The following ZMYM2 variants were observed in gnomAD, a reference collection of about 807,000 sequenced individuals.
ZMYM2 encodes zinc finger MYM-type protein 2.
Under a neutral mutation model 162.8 loss-of-function variants are expected in ZMYM2, and 56 were observed. The ratio of observed to expected loss-of-function variants is 0.34; its 90% CI spans 0.28 to 0.43. The LOEUF is 0.43. Ranked by LOEUF, ZMYM2 falls within the 20% of genes least tolerant of loss-of-function variation. The pLI, the probability that ZMYM2 is intolerant of heterozygous loss-of-function variation, is 1.00. For synonymous variants in ZMYM2, 510 were observed against 541.6 expected (o/e 0.94, Z 0.81); for missense variants, 1,275 against 1,621.8 (o/e 0.79, Z 3.67).
At chr13:20,015,783 A>G (rs2140116872) in intron 6 of ZMYM2, among the ~76,000 whole-genome samples, 1 of 152,168 alleles carries the variant, frequency 6.6e-6, no homozygotes, top group South Asian at 2.1e-4. Flanking sequence ...GCCTTATATT[A>G]ATATGGCAAC....
chr13:20,036,684 A>G, intron 11 of ZMYM2, 53 bp from the exon 12 acceptor site: 1 of 1,377,094 alleles, frequency 7.3e-7, no homozygotes, highest in Non-Finnish European at 9.5e-7. Flanking sequence ...TCTGCTCAAT[A>G]ATTAGTTTTC....
chr13:19,974,128 A>G (rs2139341130), intron 2 of ZMYM2, among the ~76,000 whole-genome samples: 1 of 152,322 alleles, frequency 6.6e-6, no homozygotes, highest in Admixed American at 6.5e-5. Context: ...TACCAACTTT[A>G]AAAGGTAGAA....
intron 2 of ZMYM2, among the ~76,000 whole-genome samples, chr13:19,962,532 T>C (rs1208876344): frequency 7.5e-6 from 1 of 132,756 alleles, no homozygotes; most frequent in Non-Finnish European, 1.6e-5. Flanking sequence ...TTTTTTTTTT[T>C]TTTTTTTTTG....
intron 2 of ZMYM2, among the ~76,000 whole-genome samples, chr13:19,985,533 G>GT (rs71070283): frequency 0.69 from 104,500 of 151,558 alleles, 41,082 homozygotes; most frequent in Non-Finnish European, 0.86. Context: ...GAATGGTTGT[G>GT]TTTTTTTTAA....
chr13:19,957,597 C>G (rs1039806269), upstream of ZMYM2, among the ~76,000 whole-genome samples: 1 of 152,244 alleles, frequency 6.6e-6, no homozygotes, highest in Non-Finnish European at 1.5e-5. Context: ...TCCGCTCCCC[C>G]CGGCGGCCGC....
chr13:20,024,711 GC>G (rs1952426137), intron 7 of ZMYM2: 1 of 217,902 alleles, frequency 4.6e-6, no homozygotes, highest in Non-Finnish European at 9.2e-6. Context: ...AAAAAAAAAA[GC>G]AGAGCATTCT....
intron 6 of ZMYM2, among the ~76,000 whole-genome samples, chr13:20,019,093 AC>A (rs763495545): frequency 0.084 from 1,235 of 14,752 alleles, 30 homozygotes; most frequent in Middle Eastern, 0.3. Flanking sequence ...AAAAAAAAAA[AC>A]AACAACAACA....
chr13:19,997,732 C>G (rs780617034), intron 3 of ZMYM2, among the ~76,000 whole-genome samples: 5 of 152,046 alleles, frequency 3.3e-5, no homozygotes, highest in Non-Finnish European at 7.4e-5. Context: ...ATAATGTTGT[C>G]TTACCGCTGA....
intron 4 of ZMYM2, among the ~76,000 whole-genome samples, chr13:20,004,239 G>C (rs1415788867): frequency 1.3e-5 from 2 of 151,902 alleles, no homozygotes; most frequent in African/African-American, 2.4e-5. Context: ...AAGGTCATCA[G>C]TATTGTCAGT....
At chr13:20,036,378 C>CATTGTTCCTTTTTCT (rs1228618130) in intron 11 of ZMYM2, among the ~76,000 whole-genome samples, 1 of 152,026 alleles carries the variant, frequency 6.6e-6, no homozygotes, top group African/African-American at 2.4e-5. Flanking sequence ...CAGTAGTCTA[C>CATTGTTCCTTTTTCT]ATTGTTCCTT....
the ZMYM2 span, among the ~76,000 whole-genome samples, chr13:19,893,371 T>C: frequency 6.6e-6 from 1 of 151,904 alleles, no homozygotes; most frequent in African/African-American, 2.4e-5. Flanking sequence ...TAGAGTTAAA[T>C]ATATGGACAA....
chr13:19,951,486 TC>T, the ZMYM2 span, among the ~76,000 whole-genome samples: 1 of 126,660 alleles, frequency 7.9e-6, no homozygotes, highest in African/African-American at 3.1e-5. Context: ...AGTCAGGAGC[TC>T]GAGACCAGCC....
At chr13:19,933,861 T>C in the ZMYM2 span, among the ~76,000 whole-genome samples, 1 of 152,186 alleles carries the variant, frequency 6.6e-6, no homozygotes, top group Non-Finnish European at 1.5e-5. Flanking sequence ...TGGAGAACTT[T>C]TGGTCTCCAA....
intron 2 of ZMYM2, among the ~76,000 whole-genome samples, chr13:19,963,331 T>G (rs1955449219): frequency 6.6e-6 from 1 of 152,236 alleles, no homozygotes; most frequent in African/African-American, 2.4e-5. Context: ...AGCATAGAAG[T>G]GAACAGGACT....
At chr13:19,932,704 A>G in the ZMYM2 span, among the ~76,000 whole-genome samples, 1 of 152,094 alleles carries the variant, frequency 6.6e-6, no homozygotes, top group Non-Finnish European at 1.5e-5. Flanking sequence ...TCCCATGTGA[A>G]CATGTGAAGA....
Position 20,072,408 on chromosome 13 carries a change from C to T in ZMYM2, c.3453+5018C>T, listed in dbSNP as rs367607020. The stretch of plus-strand genomic sequence containing the variant: ...TAGTGGCGAGCACCTGTAGTCCCAG[C>T]TACTTGGGAGGCTGAGGCTGGAGAA... On this transcript the variant is annotated intron_variant, in intron 21 of 24. Coordinates refer to ENST00000610343, the MANE Select transcript of ZMYM2 (RefSeq NM_197968.4). 1.3e-3 allele frequency among the ~76,000 whole-genome samples: 201 copies of T among 152,292 alleles called. 1 individual carries two copies. The highest frequency in any genetic ancestry group is 4.5e-3 in the African/African-American group (186 of 41,558).
At chr13:19,933,436 T>G in the ZMYM2 span, among the ~76,000 whole-genome samples, 1 of 152,234 alleles carries the variant, frequency 6.6e-6, no homozygotes, top group South Asian at 2.1e-4. Flanking sequence ...TATTATTATA[T>G]CACATCCTTA....
At chr13:20,073,879 G>C (rs190128180) in intron 21 of ZMYM2, among the ~76,000 whole-genome samples, 2 of 152,128 alleles carry the variant, frequency 1.3e-5, no homozygotes, top group East Asian at 3.9e-4. Context: ...AAAATTTACG[G>C]TTTTAAGCAT....
chr13:20,022,472 G>C (rs1320785516), intron 7 of ZMYM2, among the ~76,000 whole-genome samples: 3 of 152,028 alleles, frequency 2.0e-5, no homozygotes, highest in African/African-American at 7.2e-5. Flanking sequence ...TTTCTCCAGG[G>C]TAAAGTTGCT....
Sources: allele counts gnomAD v4.1 joint callset (sites outside exome capture counted in the v4.1 genomes callset), GRCh38; gene constraint gnomAD v4.1.1; transcripts MANE v1.5; gene names NCBI Gene and HGNC (gene_info 2026-07-23, HGNC 2026-07-21).